RPL34: variants seen among roughly 807,000 people sequenced by gnomAD.
The protein encoded by RPL34 is ribosomal protein L34.
RPL34 carries 2 observed loss-of-function variants against 16.3 expected under a neutral mutation model. The observed-to-expected ratio is 0.12, with a 90% CI of 0.05 to 0.39. RPL34 has a LOEUF of 0.39. Ranked by LOEUF, RPL34 falls within the 10% of genes least tolerant of loss-of-function variation. RPL34 has a pLI of 0.99. For synonymous variants in RPL34, 47 were observed against 48.5 expected (o/e 0.97, Z 0.13); for missense variants, 82 against 148.8 (o/e 0.55, Z 2.33).
chr4:108,627,454 C>T (rs145204066), downstream of RPL34, among the ~76,000 whole-genome samples: 4 of 152,296 alleles, frequency 2.6e-5, no homozygotes, highest in East Asian at 7.7e-4. Flanking sequence ...AACACCTTTA[C>T]TGTACCCCAC....
chr4:108,622,668 T>G (rs372421720), intron 4 of RPL34, 50 bp downstream of exon 4: 6 of 1,169,784 alleles, frequency 5.1e-6, no homozygotes, highest in Non-Finnish European at 7.4e-6. Flanking sequence ...TTGTGTGTGT[T>G]ATACTGTCTG....
downstream of RPL34, among the ~76,000 whole-genome samples, chr4:108,629,596 ATG>A (rs893886832): frequency 6.6e-6 from 1 of 152,178 alleles, no homozygotes; most frequent in Non-Finnish European, 1.5e-5. Context: ...ATCCAGTTCT[ATG>A]TGTGTGACAA....
rs184752722 is a variant in RPL34 at position 108,624,397 on chromosome 4, A to T, written c.270-731A>T. Among the ~76,000 whole-genome samples, 3 of 152,330 alleles carry T rather than the reference A, an allele frequency of 2.0e-5. No homozygotes were observed. The East Asian group carries it at 5.8e-4, about 29-fold the overall frequency. The stretch of plus-strand genomic sequence containing the variant: ...GGGAAATGGGGTGGGGGAAGGTTTA[A>T]GTTGAAGCAAGAGGAGTGCTTTAAA... On this transcript the variant is annotated intron_variant, in intron 4 of 4. Coordinates refer to ENST00000394667, the MANE Select transcript of RPL34 (RefSeq NM_001319236.2).
At chr4:108,625,706 AAACAG>A (rs1725977475), downstream of RPL34, among the ~76,000 whole-genome samples, 1 of 152,134 alleles carries the variant, frequency 6.6e-6, no homozygotes, top group South Asian at 2.1e-4. Context: ...TTTTCTGAAG[AAACAG>A]TTGGTGGTCA....
At chr4:108,623,798 C>A (rs548115545) in intron 4 of RPL34, among the ~76,000 whole-genome samples, 2 of 152,280 alleles carry the variant, frequency 1.3e-5, no homozygotes, top group South Asian at 2.1e-4. Flanking sequence ...GTAGGAGATA[C>A]TACATTAATA....
chr4:108,621,027 T>C (rs1267614926), intron 1 of RPL34: 1 of 152,216 alleles, frequency 6.6e-6, no homozygotes, highest in African/African-American at 2.4e-5. Flanking sequence ...CCAAGGCCCA[T>C]GTCAAGGAAG....
chr4:108,623,526 C>T (rs1242238168), intron 4 of RPL34, among the ~76,000 whole-genome samples: 2 of 152,192 alleles, frequency 1.3e-5, no homozygotes, highest in Admixed American at 6.5e-5. Flanking sequence ...TCTTCTGCCT[C>T]AGCCTCCTGA....
chr4:108,627,413 A>G (rs1726050698), downstream of RPL34, among the ~76,000 whole-genome samples: 1 of 152,124 alleles, frequency 6.6e-6, no homozygotes, highest in Non-Finnish European at 1.5e-5. Context: ...AATACCCCTT[A>G]AGGTAAAAGG....
In RPL34 at chr4:108,622,615, A is replaced by C; in HGVS notation, c.266A>C (p.Asp89Ala). The C allele has an allele frequency of 6.3e-7, 1 of 1,582,822 alleles. No individual in the cohort carries two copies. The highest frequency in any genetic ancestry group is 8.6e-7 in the Non-Finnish European group (1 of 1,166,434). The change falls in exon 4 of 5, where the codon GAC (aspartate) becomes GCC (alanine). Residue 89 changes from aspartate (D) to alanine (A), a missense_variant. By Grantham distance (126) the Asp-to-Ala change is moderately radical. Coordinates refer to ENST00000394667, the MANE Select transcript of RPL34 (RefSeq NM_001319236.2). The stretch of plus-strand genomic sequence containing the variant: ...TCCATGTGTGCTAAATGTGTTCGTG[A>C]CAGGTAAGTTAAATGCTTAAATGGG... Reference protein sequence around the residue: ...GGSMCAKCVRDRIKRAFLIEE... With the variant: ...GGSMCAKCVRARIKRAFLIEE...
chr4:108,620,640 A>T (rs1206171263), intron 1 of RPL34, 40 bp downstream of exon 1: 1 of 259,338 alleles, frequency 3.9e-6, no homozygotes, highest in Non-Finnish European at 7.9e-6. Context: ...TTATTTCCTT[A>T]CCAATCGGCT....
chr4:108,622,643 T>G, intron 4 of RPL34, 25 bp downstream of exon 4: 1 of 1,424,848 alleles, frequency 7.0e-7, no homozygotes, highest in Non-Finnish European at 9.7e-7. Context: ...TAAATGGGCT[T>G]TCCTTAGCAA....
intron 4 of RPL34, among the ~76,000 whole-genome samples, chr4:108,624,172 G>A (rs1482211498): frequency 6.6e-6 from 1 of 152,132 alleles, no homozygotes; most frequent in East Asian, 1.9e-4. Context: ...TTGAATTTAG[G>A]TTTACAGGAT....
In RPL34 at chr4:108,625,264, C is replaced by CT. The variant is rs751324295; in HGVS notation, c.*63dup. The stretch of plus-strand genomic sequence containing the variant: ...AAATGAAAAGACGCTGTATGTATGA[C>CT]TTTTTTTTTTTCTGTTGTAATGTGT... On this transcript the variant is annotated 3_prime_UTR_variant, in exon 5 of 5. Coordinates refer to ENST00000394667, the MANE Select transcript of RPL34 (RefSeq NM_001319236.2). The CT allele has an allele frequency of 0.061, 47,888 of 784,600 alleles. No homozygotes were observed. The highest frequency in any genetic ancestry group is 0.088 in the South Asian group (4,026 of 45,976). 48.6% of individuals were successfully genotyped at this position (784,600 alleles called of 1,614,324 possible).
chr4:108,627,329 A>C (rs1194257301), downstream of RPL34, among the ~76,000 whole-genome samples: 1 of 152,140 alleles, frequency 6.6e-6, no homozygotes, highest in Non-Finnish European at 1.5e-5. Context: ...CAGGAGGATC[A>C]CTTGAGGACA....
intron 1 of RPL34, 95 bp from the exon 2 acceptor site, chr4:108,621,856 T>C: frequency 1.3e-6 from 1 of 795,980 alleles, no homozygotes; most frequent in Admixed American, 1.9e-5. Context: ...CATACAAGGA[T>C]ATGTATGTGA....
downstream of RPL34, chr4:108,630,255 C>T (rs1381571159): frequency 1.3e-5 from 2 of 152,140 alleles, no homozygotes; most frequent in Non-Finnish European, 2.9e-5. Flanking sequence ...AGTATATGAT[C>T]ACTAATATAG....
intron 3 of RPL34, 64 bp downstream of exon 3, chr4:108,622,268 G>A (rs1379377731): frequency 7.5e-6 from 9 of 1,200,954 alleles, no homozygotes; most frequent in Non-Finnish European, 9.8e-6. Context: ...TTCATCCCTT[G>A]ACGATGGAAT....
chr4:108,626,972 G>GTGT (rs1334178625), downstream of RPL34, among the ~76,000 whole-genome samples: 1 of 152,134 alleles, frequency 6.6e-6, no homozygotes, highest in Non-Finnish European at 1.5e-5. Flanking sequence ...GGACGCCGTG[G>GTGT]TTCATGCCTG....
chr4:108,627,099 C>T (rs771096549), downstream of RPL34, among the ~76,000 whole-genome samples: 42 of 152,024 alleles, frequency 2.8e-4, no homozygotes, highest in Non-Finnish European at 1.9e-4. Context: ...ACTAGCTGGG[C>T]GTGGTGGTAT....
Sources: gnomAD v4.1 joint callset for allele counts (sites outside exome capture counted in the v4.1 genomes callset) on GRCh38, gnomAD v4.1.1 for gene constraint, MANE v1.5 for transcripts, NCBI Gene and HGNC (gene_info 2026-07-23, HGNC 2026-07-21) for gene names.